The following NOL4L variants were observed in gnomAD, a reference collection of about 807,000 sequenced individuals.
NOL4L encodes the protein nucleolar protein 4 like.
A neutral mutation model predicts 64.5 loss-of-function variants in NOL4L; 7 were observed. The ratio of observed to expected loss-of-function variants is 0.11; its 90% CI spans 0.06 to 0.20. The LOEUF (loss-of-function observed/expected upper bound fraction) is 0.20. Ranked by LOEUF, NOL4L falls within the 10% of genes least tolerant of loss-of-function variation. The pLI is 1.00. For missense variants in NOL4L, 680 were observed against 967.1 expected, an observed-to-expected ratio of 0.70 and a Z score of 3.94; for synonymous variants, 413 against 401.0, an observed-to-expected ratio of 1.03 and a Z score of -0.36.
chr20:32,516,553 G>A (rs2017673080), intron 3 of NOL4L, among the ~76,000 whole-genome samples: 2 of 152,318 alleles, frequency 1.3e-5, no homozygotes, highest in South Asian at 4.1e-4. Context: ...CTATTGCTCA[G>A]CTGACAGCTC....
intron 1 of NOL4L, among the ~76,000 whole-genome samples, chr20:32,547,172 G>A (rs906568103): frequency 6.6e-6 from 1 of 152,136 alleles, no homozygotes; most frequent in Admixed American, 6.6e-5. Context: ...CAGGAGGTTG[G>A]GACAACTCTC....
At chr20:32,504,751 G>A (rs761585816) in intron 4 of NOL4L, among the ~76,000 whole-genome samples, 9 of 151,858 alleles carry the variant, frequency 5.9e-5, no homozygotes, top group Non-Finnish European at 1.2e-4. Flanking sequence ...CTACAAGCAC[G>A]TGCCACCATG....
Position 32,456,176 on chromosome 20 carries a change from C to T in NOL4L, c.1061G>A (p.Gly354Asp), listed in dbSNP as rs2013490941. 1 of 1,592,850 alleles carries T rather than the reference C, an allele frequency of 6.3e-7. No homozygotes were observed. Among genetic ancestry groups the T allele is most frequent in the Non-Finnish European group, 8.6e-7 (1 of 1,168,756 alleles). Residue 354 changes from glycine (G) to aspartate (D), a missense_variant, in exon 6 of 11, where the codon GGC becomes GAC. By Grantham distance (94) the Gly-to-Asp change is moderately conservative (BLOSUM62 -1). Around this residue, in one of 4 missense-constraint regions of NOL4L, gnomAD observed 254 missense variants for 238.7 expected, o/e 1.06. Transcript: ENST00000621426. ...ALGTASYPSD[G>D]CGADGLRSRV... ...GCTCCGCAGCCCGTCGGCACCGCAG[C>T]CATCCGAGGGGTAGGAGGCTGTGCC...
Position 32,463,921 on chromosome 20 carries a change from G to T in NOL4L, c.842-7526C>A, listed in dbSNP as rs1191154497. ...CAGGCCAGGTACACGGCCACTGGAGGCCAGCAGGCCCTGCGTGCAGACTGC... is the reference window on the plus strand; with the variant it reads ...CAGGCCAGGTACACGGCCACTGGAGTCCAGCAGGCCCTGCGTGCAGACTGC... On this transcript the variant is annotated intron_variant, in intron 5 of 10. Coordinates refer to ENST00000621426, the MANE Select transcript of NOL4L (RefSeq NM_001256798.2). This position sits in a 1 kb window ranked among gnomAD's most constrained non-coding sequence, Gnocchi z 5.8. Among the ~76,000 whole-genome samples, 1 of 152,230 alleles carries T rather than the reference G, an allele frequency of 6.6e-6. No individual in the cohort carries two copies. Among genetic ancestry groups the T allele is most frequent in the Non-Finnish European group, 1.5e-5 (1 of 68,032 alleles).
chr20:32,544,489 G>A (rs1194493911), intron 1 of NOL4L, among the ~76,000 whole-genome samples: 1 of 152,130 alleles, frequency 6.6e-6, no homozygotes, highest in African/African-American at 2.4e-5. Context: ...GAAGGCAGTG[G>A]GGTGCCAACA....
At chr20:32,584,207 C>T (rs1980736214) in intron 1 of NOL4L, among the ~76,000 whole-genome samples, 2 of 150,276 alleles carry the variant, frequency 1.3e-5, no homozygotes, top group African/African-American at 2.4e-5. Context: ...GCGAGGCGCC[C>T]GGGACAGGCA....
intron 2 of NOL4L, among the ~76,000 whole-genome samples, chr20:32,522,360 G>A (rs293572): frequency 0.13 from 19,474 of 152,280 alleles, 1,706 homozygotes; most frequent in African/African-American, 0.25. Context: ...CTGGAGGTCA[G>A]GGACAAGGGC....
chr20:32,500,059 T>A (rs2016855193), intron 4 of NOL4L, among the ~76,000 whole-genome samples: 1 of 152,012 alleles, frequency 6.6e-6, no homozygotes, highest in African/African-American at 2.4e-5. Flanking sequence ...GGAATCTGTA[T>A]CTCAGAATAC....
chr20:32,489,195 C>T (rs1191120780), intron 4 of NOL4L, among the ~76,000 whole-genome samples: 1 of 150,634 alleles, frequency 6.6e-6, no homozygotes, highest in Non-Finnish European at 1.5e-5. Context: ...TCTAAGATTA[C>T]AAAAGTAATT....
chr20:32,471,059 T>G (rs1378864175), intron 5 of NOL4L, among the ~76,000 whole-genome samples: 1 of 152,212 alleles, frequency 6.6e-6, no homozygotes, highest in Non-Finnish European at 1.5e-5. Context: ...TAAAGAGGTC[T>G]GGGAGACCAA....
intron 5 of NOL4L, among the ~76,000 whole-genome samples, chr20:32,471,364 G>A (rs1031608999): frequency 2.9e-5 from 4 of 139,256 alleles, no homozygotes; most frequent in East Asian, 2.2e-4. Context: ...GCAAGCTCCC[G>A]GGGAGTGAGA....
At chr20:32,500,057 T>C (rs550589723) in intron 4 of NOL4L, among the ~76,000 whole-genome samples, 1 of 152,134 alleles carries the variant, frequency 6.6e-6, no homozygotes, top group East Asian at 1.9e-4. Flanking sequence ...GCGGAATCTG[T>C]ATCTCAGAAT....
At chr20:32,471,975 A>G (rs1317636357) in intron 5 of NOL4L, among the ~76,000 whole-genome samples, 1 of 152,202 alleles carries the variant, frequency 6.6e-6, no homozygotes, top group Non-Finnish European at 1.5e-5. Flanking sequence ...TCTTTTCTTT[A>G]TAAATTACCC....
intron 1 of NOL4L, 130 bp downstream of exon 1, chr20:32,584,440 G>A (rs1205852200): frequency 1.1e-4 from 79 of 745,294 alleles, no homozygotes; most frequent in Non-Finnish European, 1.4e-4. Flanking sequence ...GTGCGCCTCC[G>A]GCGGGCCCGA....
intron 1 of NOL4L, among the ~76,000 whole-genome samples, chr20:32,555,174 G>C (rs114631293): frequency 1.3e-5 from 2 of 152,068 alleles, no homozygotes; most frequent in Admixed American, 1.3e-4. Context: ...CTGGTGTTAC[G>C]TTAACTTCTA....
chr20:32,471,357 A>T (rs776484775), intron 5 of NOL4L, among the ~76,000 whole-genome samples: 16 of 142,100 alleles, frequency 1.1e-4, no homozygotes, highest in Admixed American at 2.1e-4. Flanking sequence ...CTCAGAGGCA[A>T]GCTCCCGGGG....
chr20:32,474,646 C>T lies in NOL4L; in HGVS notation c.796G>A (p.Asp266Asn). The T allele has an allele frequency of 6.2e-7, 1 of 1,613,812 alleles. No homozygotes were observed. Among genetic ancestry groups the T allele is most frequent in the Non-Finnish European group, 8.5e-7 (1 of 1,179,956 alleles). The change falls in exon 5 of 11, where the codon GAC becomes AAC. Residue 266 changes from aspartate to asparagine, a missense_variant. Coordinates refer to ENST00000621426, the MANE Select transcript of NOL4L (RefSeq NM_001256798.2). ...TTCTGCGGGCTCCGCATCCTCTCGTCCTGGCTGGGGCTCAGGCTGGAGGCC... is the reference window on the plus strand; with the variant it reads ...TTCTGCGGGCTCCGCATCCTCTCGTTCTGGCTGGGGCTCAGGCTGGAGGCC... Reference protein sequence around the residue: ...HLASSLSPSQDERMRSPQNLH... With the variant: ...HLASSLSPSQNERMRSPQNLH...
chr20:32,455,343 C>A (rs1337440777), intron 6 of NOL4L, among the ~76,000 whole-genome samples: 1 of 152,258 alleles, frequency 6.6e-6, no homozygotes, highest in Admixed American at 6.5e-5. Flanking sequence ...CACATAGCAA[C>A]AACTCAGCAC....
chr20:32,470,432 C>T (rs2014927405), intron 5 of NOL4L, among the ~76,000 whole-genome samples: 1 of 152,256 alleles, frequency 6.6e-6, no homozygotes, highest in Non-Finnish European at 1.5e-5. Flanking sequence ...TGCGTGGTGC[C>T]AGGCCCTGTG....
Sources: gnomAD v4.1 joint callset for allele counts (sites outside exome capture counted in the v4.1 genomes callset) on GRCh38, gnomAD v4.1.1 for gene constraint, gnomAD v4.1.1 regional missense constraint, Gnocchi (gnomAD v3.1) non-coding constraint, MANE v1.5 for transcripts, NCBI Gene and HGNC (gene_info 2026-07-23, HGNC 2026-07-21) for gene names.